Variants in BTBD9 observed in about 807,000 individuals in gnomAD.
BTBD9 encodes BTB domain containing 9.
BTBD9 carries 49 observed loss-of-function variants against 64.3 expected under a neutral mutation model. That is an observed-to-expected ratio of 0.76 (90% CI 0.61 to 0.97). The LOEUF (loss-of-function observed/expected upper bound fraction) is 0.97. Ranked by LOEUF, BTBD9 falls within the 50% of genes least tolerant of loss-of-function variation. The pLI is 0.00. For synonymous variants in BTBD9, 260 were observed against 274.7 expected (o/e 0.95, Z 0.53); for missense variants, 598 against 762.1 (o/e 0.78, Z 2.53).
intron 9 of BTBD9, among the ~76,000 whole-genome samples, chr6:38,228,388 T>C (rs955788605): frequency 3.1e-5 from 4 of 130,432 alleles, no homozygotes; most frequent in Admixed American, 1.7e-4. Context: ...AGTAAACCTA[T>C]GGACTTTCGG....
intron 6 of BTBD9, among the ~76,000 whole-genome samples, chr6:38,394,248 A>G (rs11962576): frequency 0.019 from 2,865 of 152,252 alleles, 105 homozygotes; most frequent in African/African-American, 0.066. Flanking sequence ...ACGAAAGGAG[A>G]AAGACAGGGC....
chr6:38,409,666 TA>T (rs576379118), intron 6 of BTBD9, among the ~76,000 whole-genome samples: 10 of 151,192 alleles, frequency 6.6e-5, no homozygotes, highest in African/African-American at 1.5e-4. Context: ...CTACTAAAAA[TA>T]AAAAAAATTA....
At chr6:38,539,506 A>G (rs993960493) in intron 6 of BTBD9, among the ~76,000 whole-genome samples, 7 of 152,208 alleles carry the variant, frequency 4.6e-5, no homozygotes, top group Admixed American at 4.6e-4. Flanking sequence ...TCTGCTCAAG[A>G]ATTATATTGT....
At chr6:38,251,471 G>C (rs768472413) in intron 9 of BTBD9, among the ~76,000 whole-genome samples, 1 of 151,988 alleles carries the variant, frequency 6.6e-6, no homozygotes, top group Non-Finnish European at 1.5e-5. Flanking sequence ...CATCATGTTA[G>C]CCAGGTTGGT....
intron 6 of BTBD9, among the ~76,000 whole-genome samples, chr6:38,559,340 G>GA (rs1159518071): frequency 0.018 from 2,622 of 147,608 alleles, 45 homozygotes; most frequent in African/African-American, 0.056. Flanking sequence ...CACATACAGG[G>GA]AAAAAAAAAA....
intron 8 of BTBD9, among the ~76,000 whole-genome samples, chr6:38,261,082 G>A (rs544661725): frequency 2.0e-4 from 31 of 152,032 alleles, no homozygotes; most frequent in Admixed American, 8.5e-4. Context: ...TAGGACTACA[G>A]GTGCACACCA....
chr6:38,337,978 C>T (rs559435551), intron 7 of BTBD9, among the ~76,000 whole-genome samples: 8 of 152,224 alleles, frequency 5.3e-5, no homozygotes, highest in Admixed American at 1.3e-4. Context: ...ATATGGACTC[C>T]GGTGTTTCTG....
At position 38,243,666 on chromosome 6, in the gene BTBD9, T is replaced by C. The variant is rs546381906; in HGVS notation, c.1562+12743A>G. On this transcript the variant is annotated intron_variant, in intron 9 of 10. Coordinates refer to ENST00000481247, the MANE Select transcript of BTBD9 (RefSeq NM_001099272.2). ...TAAGAGATGCCCAGGGGAAGGGAGC[T>C]ACAACAACAAAAGCAGGGACACCAA... 5.9e-4 allele frequency among the ~76,000 whole-genome samples: 90 copies of C among 152,196 alleles called. No homozygotes were observed. In the Middle Eastern group the frequency reaches 0.01, roughly 17 times the overall value.
intron 4 of BTBD9, among the ~76,000 whole-genome samples, chr6:38,591,482 A>G (rs1776788185): frequency 6.6e-6 from 1 of 152,200 alleles, no homozygotes; most frequent in Non-Finnish European, 1.5e-5. Flanking sequence ...ATGGGAGTTT[A>G]TGTCTTATTT....
chr6:38,356,901 C>G (rs1038427271), intron 6 of BTBD9, among the ~76,000 whole-genome samples: 1 of 152,120 alleles, frequency 6.6e-6, no homozygotes, highest in African/African-American at 2.4e-5. Context: ...AGTGGTGAAA[C>G]AGGATAGAAG....
At chr6:38,276,668 C>T (rs1761270441) in intron 8 of BTBD9, among the ~76,000 whole-genome samples, 1 of 152,108 alleles carries the variant, frequency 6.6e-6, no homozygotes, top group Non-Finnish European at 1.5e-5. Context: ...ATACTCCTAA[C>T]AAAAAACCAA....
chr6:38,221,987 C>T (rs1022870166), intron 9 of BTBD9, among the ~76,000 whole-genome samples: 1 of 151,514 alleles, frequency 6.6e-6, no homozygotes, highest in Non-Finnish European at 1.5e-5. Flanking sequence ...GAGACTCTGT[C>T]TCGAAGAAAA....
At chr6:38,504,015 A>C (rs1208787080) in intron 6 of BTBD9, among the ~76,000 whole-genome samples, 3 of 152,156 alleles carry the variant, frequency 2.0e-5, no homozygotes, top group African/African-American at 7.2e-5. Context: ...ATCCCGCCAC[A>C]GTCTCACAAC....
At position 38,306,990 on chromosome 6, in the gene BTBD9, T is replaced by C. The variant is rs79477629; in HGVS notation, c.1265-18529A>G. Among the ~76,000 whole-genome samples, 66 of 151,596 alleles carry C rather than the reference T, an allele frequency of 4.4e-4. No homozygotes were observed. In the East Asian group the frequency reaches 0.013, roughly 30 times the overall value. On this transcript the variant is annotated intron_variant, in intron 7 of 10. Transcript: ENST00000481247. ...TAATCTCTGAGTAGATCATTCTCTATTGCCAAGATTTTCATAGAGATACAA... is the reference window on the plus strand; with the variant it reads ...TAATCTCTGAGTAGATCATTCTCTACTGCCAAGATTTTCATAGAGATACAA...
intron 10 of BTBD9, chr6:38,179,996 C>G (rs1363143445): frequency 2.6e-6 from 1 of 381,824 alleles, no homozygotes; most frequent in Non-Finnish European, 5.2e-6. Context: ...ACTCTGGTCA[C>G]CCCTCTGTGG....
At chr6:38,541,041 C>A (rs1774243665) in intron 6 of BTBD9, among the ~76,000 whole-genome samples, 1 of 152,174 alleles carries the variant, frequency 6.6e-6, no homozygotes, top group African/African-American at 2.4e-5. Context: ...CAAGAAAACA[C>A]AGTAGCTGTC....
At position 38,394,466 on chromosome 6, in the gene BTBD9, A is replaced by T. The variant is rs79356356; in HGVS notation, c.1155-49373T>A. On this transcript the variant is annotated intron_variant, in intron 6 of 10. Transcript: ENST00000481247. ...GAAAGAACAATATGTAGCAATATCC[A>T]GAGACAAGTCAGGGCATGCCAGAGG... 8.8e-4 allele frequency among the ~76,000 whole-genome samples: 134 copies of T among 152,348 alleles called. 1 individual carries two copies. Among genetic ancestry groups the T allele is most frequent in the African/African-American group, 3.1e-3 (129 of 41,568 alleles).
chr6:38,177,787 C>G (rs954628866), intron 10 of BTBD9, among the ~76,000 whole-genome samples: 7 of 152,238 alleles, frequency 4.6e-5, no homozygotes, highest in African/African-American at 1.7e-4. Flanking sequence ...CTGTGTTTAG[C>G]CCATTAGCCA....
At chr6:38,211,302 G>A (rs569514464) in intron 9 of BTBD9, among the ~76,000 whole-genome samples, 8 of 152,224 alleles carry the variant, frequency 5.3e-5, no homozygotes, top group South Asian at 4.2e-4. Flanking sequence ...GGTGGCGGGC[G>A]CCTGCAGTCC....
Sources: gnomAD v4.1 joint callset for allele counts (sites outside exome capture counted in the v4.1 genomes callset) on GRCh38, gnomAD v4.1.1 for gene constraint, MANE v1.5 for transcripts, NCBI Gene and HGNC (gene_info 2026-07-23, HGNC 2026-07-21) for gene names.